FBXL7: variants seen among roughly 807,000 people sequenced by gnomAD.
The protein encoded by FBXL7 is F-box and leucine rich repeat protein 7, also known as F-box/LRR-repeat protein 7.
Under a neutral mutation model 38.3 loss-of-function variants are expected in FBXL7, and 12 were observed. The observed-to-expected ratio is 0.31, with a 90% CI of 0.20 to 0.51. FBXL7 has a LOEUF of 0.51. Ranked by LOEUF, FBXL7 falls within the 20% of genes least tolerant of loss-of-function variation. FBXL7 has a pLI of 0.98. For missense variants in FBXL7, 567 were observed against 676.4 expected, an observed-to-expected ratio of 0.84 and a Z score of 1.79; for synonymous variants, 297 against 300.9, an observed-to-expected ratio of 0.99 and a Z score of 0.13.
At chr5:15,821,641 T>C (rs764659139) in intron 2 of FBXL7, among the ~76,000 whole-genome samples, 2 of 152,236 alleles carry the variant, frequency 1.3e-5, no homozygotes, top group Non-Finnish European at 2.9e-5. Context: ...CTCACAGTTC[T>C]ATGAGGAAGT....
At chr5:15,640,433 G>T (rs989082969) in intron 2 of FBXL7, among the ~76,000 whole-genome samples, 1 of 152,112 alleles carries the variant, frequency 6.6e-6, no homozygotes, top group Non-Finnish European at 1.5e-5. Context: ...CCACTCTGCT[G>T]CAGGATAATC....
intron 2 of FBXL7, among the ~76,000 whole-genome samples, chr5:15,778,128 A>C (rs1736904316): frequency 6.6e-6 from 1 of 152,116 alleles, no homozygotes; most frequent in Non-Finnish European, 1.5e-5. Flanking sequence ...TCATGGTATA[A>C]AGTAAATTCG....
intron 2 of FBXL7, among the ~76,000 whole-genome samples, chr5:15,754,327 C>G (rs1736234495): frequency 6.6e-6 from 1 of 152,112 alleles, no homozygotes; most frequent in African/African-American, 2.4e-5. Flanking sequence ...AAATTTGAAT[C>G]AATAGAGTCA....
chr5:15,851,361 C>A (rs1416579124), intron 2 of FBXL7, among the ~76,000 whole-genome samples: 2 of 152,064 alleles, frequency 1.3e-5, no homozygotes, highest in Non-Finnish European at 2.9e-5. Flanking sequence ...ATCACTCATA[C>A]AATAGCATGT....
intron 2 of FBXL7, among the ~76,000 whole-genome samples, chr5:15,798,828 T>C (rs932726145): frequency 1.3e-5 from 2 of 152,228 alleles, no homozygotes; most frequent in African/African-American, 4.8e-5. Flanking sequence ...GTCGTCATTA[T>C]ATCAGAAGTT....
intron 1 of FBXL7, among the ~76,000 whole-genome samples, chr5:15,557,237 G>A (rs187305711): frequency 3.3e-5 from 5 of 152,246 alleles, no homozygotes; most frequent in African/African-American, 7.2e-5. Flanking sequence ...TGCGCCCGGC[G>A]GAGCCAGATT....
intron 2 of FBXL7, among the ~76,000 whole-genome samples, chr5:15,640,948 C>T (rs545048884): frequency 1.3e-5 from 2 of 152,236 alleles, no homozygotes; most frequent in East Asian, 3.9e-4. Context: ...TAAGAGGAGC[C>T]CGTGTAGCTT....
At chr5:15,641,392 A>G (rs59821040) in intron 2 of FBXL7, among the ~76,000 whole-genome samples, 7,546 of 152,266 alleles carry the variant, frequency 0.05, 294 homozygotes, top group African/African-American at 0.093. Flanking sequence ...GTATGAACAC[A>G]GGAGGCAGTA....
intron 1 of FBXL7, among the ~76,000 whole-genome samples, chr5:15,574,356 C>T (rs1738889696): frequency 1.3e-5 from 2 of 152,140 alleles, no homozygotes; most frequent in South Asian, 2.1e-4. Context: ...TAAAATAACT[C>T]GGGTTCAACC....
rs1185472361 is a variant in FBXL7 at position 15,500,582 on chromosome 5, G to A, written c.-95G>A. 3 of 1,555,368 alleles carry A rather than the reference G, an allele frequency of 1.9e-6. No individual in the cohort carries two copies. The highest frequency in any genetic ancestry group is 1.4e-5 in the African/African-American group (1 of 73,726). On this transcript the variant is annotated 5_prime_UTR_variant, in exon 1 of 4. Transcript: ENST00000504595. Reference sequence around the variant, plus strand: ...AGCTTGGGGGGGATGTGCAGCTAACGGTCCCGTCGGGCGGGCTTTCCTCGG... The same window carrying A: ...AGCTTGGGGGGGATGTGCAGCTAACAGTCCCGTCGGGCGGGCTTTCCTCGG...
At chr5:15,868,455 C>A (rs1473287328) in intron 2 of FBXL7, among the ~76,000 whole-genome samples, 1 of 152,184 alleles carries the variant, frequency 6.6e-6, no homozygotes, top group Non-Finnish European at 1.5e-5. Context: ...ACTAAGATAC[C>A]TTCTCCGGCA....
chr5:15,827,896 T>G (rs1738358299), intron 2 of FBXL7, among the ~76,000 whole-genome samples: 1 of 152,212 alleles, frequency 6.6e-6, no homozygotes, highest in African/African-American at 2.4e-5. Flanking sequence ...CTGTGAATAT[T>G]TTCCAGGCTA....
chr5:15,630,183 G>A (rs1740952923), intron 2 of FBXL7, among the ~76,000 whole-genome samples: 2 of 152,138 alleles, frequency 1.3e-5, no homozygotes, highest in Admixed American at 1.3e-4. Context: ...AACATTCTGA[G>A]TCACTAAATG....
Position 15,500,499 on chromosome 5 carries a change from C to T in FBXL7, c.-178C>T. On this transcript the variant is annotated 5_prime_UTR_variant, in exon 1 of 4. In the 5' UTR this introduces an upstream ATG that the reference lacks. Transcript: ENST00000504595. ...AGCCACCGGGGGTGCCAGGAGGGGA[C>T]GCAGCACCCCCTCCCACTGGAGTGC... 3.8e-6 allele frequency: 3 copies of T among 796,880 alleles called. No individual in the cohort carries two copies. The highest frequency in any genetic ancestry group is 6.4e-6 in the Non-Finnish European group (3 of 467,338). The allele number at this position is 796,880 out of a possible 1,614,324, so 49.4% of individuals were successfully genotyped here.
intron 2 of FBXL7, among the ~76,000 whole-genome samples, chr5:15,741,779 G>A (rs892232049): frequency 4.6e-5 from 7 of 151,910 alleles, no homozygotes; most frequent in African/African-American, 1.7e-4. Flanking sequence ...TAAAAATGTA[G>A]AAAGAAGTAC....
At chr5:15,838,897 T>C (rs1213744360) in intron 2 of FBXL7, among the ~76,000 whole-genome samples, 1 of 152,190 alleles carries the variant, frequency 6.6e-6, no homozygotes, top group Non-Finnish European at 1.5e-5. Flanking sequence ...TACATTATAT[T>C]TTGCCCTAAA....
intron 2 of FBXL7, among the ~76,000 whole-genome samples, chr5:15,623,633 T>C (rs1404912258): frequency 6.6e-6 from 1 of 152,238 alleles, no homozygotes; most frequent in African/African-American, 2.4e-5. Flanking sequence ...CTACTTCTTC[T>C]TGAATATACT....
At chr5:15,927,798 GAAAAGAA>G in intron 2 of FBXL7, 85 bp from the exon 3 acceptor site, 1 of 657,738 alleles carries the variant, frequency 1.5e-6, no homozygotes, top group African/African-American at 2.4e-5. Context: ...GAAGAAGAAA[GAAAAGAA>G]AAGAAAGAAA....
At chr5:15,887,432 G>T (rs1740722747) in intron 2 of FBXL7, among the ~76,000 whole-genome samples, 1 of 152,140 alleles carries the variant, frequency 6.6e-6, no homozygotes, top group African/African-American at 2.4e-5. Context: ...TCCCCTACAT[G>T]TCAAAAATGA....
Sources: gnomAD v4.1 joint callset for allele counts (sites outside exome capture counted in the v4.1 genomes callset) on GRCh38, gnomAD v4.1.1 for gene constraint, MANE v1.5 for transcripts, NCBI Gene and HGNC (gene_info 2026-07-23, HGNC 2026-07-21) for gene names.